The following ZNF532 variants were observed in gnomAD, a reference collection of about 807,000 sequenced individuals.
ZNF532 encodes the protein zinc finger protein 532.
In ZNF532, 22 loss-of-function variants were observed where a neutral mutation model predicts 89.3. The ratio of observed to expected loss-of-function variants is 0.25; its 90% CI spans 0.18 to 0.35. ZNF532 has a LOEUF of 0.35. Among genes scored for constraint, ZNF532 ranks in the 10% least tolerant of loss-of-function variants. The pLI, the probability that ZNF532 is intolerant of heterozygous loss-of-function variation, is 1.00. For missense variants in ZNF532, 1,132 were observed against 1,643.4 expected, an observed-to-expected ratio of 0.69 and a Z score of 5.38; for synonymous variants, 606 against 649.6, an observed-to-expected ratio of 0.93 and a Z score of 1.02.
rs193058207 is a variant in ZNF532, at chr18:58,890,038, G to A, written c.-18+24459G>A. On this transcript the variant is annotated intron_variant, in intron 2 of 9. Transcript: ENST00000591808. ...GTGGAGGTTGTGGTAAGCCAAGATC[G>A]CGCCACTGCACTCCAGCCTAGGAGA... Among the ~76,000 whole-genome samples, 15 of 149,394 alleles carry A rather than the reference G, an allele frequency of 1.0e-4. No individual in the cohort carries two copies. In the East Asian group the frequency reaches 2.0e-3, roughly 20 times the overall value.
At chr18:58,946,240 T>C (rs1156347859) in intron 5 of ZNF532, among the ~76,000 whole-genome samples, 1 of 152,072 alleles carries the variant, frequency 6.6e-6, no homozygotes, top group East Asian at 1.9e-4. Context: ...TGAAAATCTT[T>C]CCATGCCATT....
chr18:58,882,993 C>T (rs1193427387), intron 2 of ZNF532, among the ~76,000 whole-genome samples: 3 of 152,136 alleles, frequency 2.0e-5, no homozygotes, highest in African/African-American at 4.8e-5. Flanking sequence ...CCCTTCTTCC[C>T]CTTTCTTGGG....
At chr18:58,880,745 C>G (rs111778949) in intron 2 of ZNF532, among the ~76,000 whole-genome samples, 2 of 95,546 alleles carry the variant, frequency 2.1e-5, no homozygotes, top group Non-Finnish European at 5.2e-5. Context: ...TTTGAGCCCT[C>G]TCATAGGCGC....
intron 2 of ZNF532, among the ~76,000 whole-genome samples, chr18:58,896,053 C>T (rs543274323): frequency 2.4e-3 from 367 of 152,120 alleles, no homozygotes; most frequent in Middle Eastern, 6.8e-3. Context: ...AGGTCTCACT[C>T]TGTTGCCCAG....
At chr18:58,901,768 T>G (rs2059616964) in intron 2 of ZNF532, among the ~76,000 whole-genome samples, 1 of 152,180 alleles carries the variant, frequency 6.6e-6, no homozygotes, top group South Asian at 2.1e-4. Context: ...TCATCCTGGC[T>G]GCTTCTGGAG....
rs758006921 is a variant in ZNF532, at chr18:58,984,260, G to A, written c.3700G>A (p.Val1234Met). ...IVHKLKEPQP[V>M]SKQNGAGEDN... ...ACACAAGTTAAAGGAACCTCAGCCA[G>A]TGTCCAAGCAAAATGGGGCTGGGGA... is the stretch of plus-strand genomic sequence containing the variant. Residue 1234 changes from valine to methionine, a missense_variant, in exon 10 of 10, where the codon GTG (valine) becomes ATG (methionine). Physicochemically the swap from Val to Met is conservative, Grantham distance 21. Transcript: ENST00000591808. 23 of 1,611,998 alleles carry A rather than the reference G, an allele frequency of 1.4e-5. No homozygotes were observed. The highest frequency in any genetic ancestry group is 1.8e-5 in the Non-Finnish European group (21 of 1,179,858).
At chr18:58,896,291 T>C (rs887291878) in intron 2 of ZNF532, 1 of 152,154 alleles carries the variant, frequency 6.6e-6, no homozygotes, top group African/African-American at 2.4e-5. Context: ...AGATGAAATA[T>C]GTTACCCATG....
chr18:58,934,385 G>T (rs1463228937), intron 3 of ZNF532, 48 bp from the exon 4 acceptor site: 4 of 1,547,346 alleles, frequency 2.6e-6, no homozygotes, highest in Non-Finnish European at 3.5e-6. Flanking sequence ...TTGCATATTA[G>T]AAAGTACTTA....
chr18:58,917,328 A>G (rs1356672473), intron 2 of ZNF532, among the ~76,000 whole-genome samples: 1 of 152,084 alleles, frequency 6.6e-6, no homozygotes, highest in Non-Finnish European at 1.5e-5. Flanking sequence ...GATGAGTGAC[A>G]CTTTGCCTGT....
chr18:58,890,821 G>C (rs1329868207), intron 2 of ZNF532, among the ~76,000 whole-genome samples: 1 of 150,214 alleles, frequency 6.7e-6, no homozygotes, highest in Non-Finnish European at 1.5e-5. Context: ...TAGGTAAATG[G>C]TTCCTCTCCT....
intron 8 of ZNF532, chr18:58,979,372 A>G (rs540202563): frequency 2.7e-5 from 10 of 368,882 alleles, no homozygotes; most frequent in East Asian, 1.2e-4. Context: ...ATTTTCTTGC[A>G]TATCCCACAT....
chr18:58,916,652 C>T, intron 2 of ZNF532: 10 of 959,616 alleles, frequency 1.0e-5, no homozygotes, highest in Non-Finnish European at 1.2e-5. Context: ...CCCATCGAAC[C>T]CTAAGTGTTG....
chr18:58,967,470 A>G (rs1466077862), intron 7 of ZNF532, among the ~76,000 whole-genome samples: 1 of 152,134 alleles, frequency 6.6e-6, no homozygotes, highest in African/African-American at 2.4e-5. Flanking sequence ...TTGCCTGGAC[A>G]TACCTTTCCT....
At chr18:58,874,722 T>C (rs945538723) in intron 2 of ZNF532, among the ~76,000 whole-genome samples, 3 of 152,214 alleles carry the variant, frequency 2.0e-5, no homozygotes, top group South Asian at 2.1e-4. Flanking sequence ...TACTTTAGGT[T>C]GTCTGTGGGT....
At chr18:58,869,049 A>G (rs554067159) in intron 2 of ZNF532, among the ~76,000 whole-genome samples, 4 of 152,320 alleles carry the variant, frequency 2.6e-5, no homozygotes, top group South Asian at 4.1e-4. Flanking sequence ...CAATCTAAAC[A>G]CATAAAAGGT....
At chr18:58,883,367 A>G (rs1459893269) in intron 2 of ZNF532, among the ~76,000 whole-genome samples, 2 of 152,152 alleles carry the variant, frequency 1.3e-5, no homozygotes, top group South Asian at 2.1e-4. Context: ...TTTGGTATCT[A>G]GTGAGAATTG....
intron 2 of ZNF532, among the ~76,000 whole-genome samples, chr18:58,910,789 G>A (rs1279053602): frequency 6.6e-6 from 1 of 151,942 alleles, no homozygotes; most frequent in African/African-American, 2.4e-5. Context: ...ATTCTCAAGG[G>A]TTTGACAGAT....
intron 2 of ZNF532, among the ~76,000 whole-genome samples, chr18:58,878,906 A>G (rs943894437): frequency 1.3e-5 from 2 of 152,202 alleles, no homozygotes; most frequent in African/African-American, 2.4e-5. Context: ...CCCCCTTAGT[A>G]GAACTTCTTT....
chr18:58,903,588 G>A (rs143802472), intron 2 of ZNF532, among the ~76,000 whole-genome samples: 197 of 152,252 alleles, frequency 1.3e-3, no homozygotes, highest in Non-Finnish European at 2.3e-3. Context: ...GCAAAATAGC[G>A]CCAGGGAAGT....
Sources: allele counts gnomAD v4.1 joint callset (sites outside exome capture counted in the v4.1 genomes callset), GRCh38; gene constraint gnomAD v4.1.1; transcripts MANE v1.5; gene names NCBI Gene and HGNC (gene_info 2026-07-23, HGNC 2026-07-21).